TRAPPC2L: variants seen among roughly 807,000 people sequenced by gnomAD.
The protein encoded by TRAPPC2L is trafficking protein particle complex subunit 2-like protein.
A neutral mutation model predicts 13.2 loss-of-function variants in TRAPPC2L; 17 were observed. The observed-to-expected ratio is 1.29, with a 90% CI of 0.88 to 1.93. The LOEUF is 1.93. Among genes scored for constraint, TRAPPC2L ranks in the 30% most tolerant of loss-of-function variants. The pLI is 0.00. For synonymous variants in TRAPPC2L, 150 were observed against 98.1 expected, an observed-to-expected ratio of 1.53 and a Z score of -3.12; for missense variants, 359 against 252.1, an observed-to-expected ratio of 1.42 and a Z score of -2.87.
At chr16:88,860,137 C>T (rs1378681895) in exon 4 of TRAPPC2L, 1 of 728,938 alleles carries the variant, frequency 1.4e-6, no homozygotes, top group Admixed American at 2.0e-5. Context: ...AGCCCCGTTT[C>T]TCCACACCAA....
rs1373704630 is a variant in TRAPPC2L, at chr16:88,857,744, C to T, written c.33+561C>T. The stretch of plus-strand genomic sequence containing the variant: ...GCTCCCTGGACATGCTCTGCCCTCT[C>T]ACCTGTGGGCCTTTGCACGCGGAAC... On this transcript the variant is annotated intron_variant, in intron 1 of 3. Transcript: ENST00000565504. 5.9e-5 allele frequency among the ~76,000 whole-genome samples: 9 copies of T among 152,250 alleles called. No individual in the cohort carries two copies. In the South Asian group the frequency reaches 8.3e-4, roughly 14 times the overall value.
chr16:88,856,414 G>A (rs757086523), upstream of TRAPPC2L: 76 of 701,108 alleles, frequency 1.1e-4, no homozygotes, highest in African/African-American at 9.6e-4. Flanking sequence ...AAGGTCAGAC[G>A]GGGGAGGCAG....
rs3784873 is a variant in TRAPPC2L, at chr16:88,859,581, A to G, written c.207-82A>G. ...ATTTCCTGTGATTCAAGGTTGCCAC[A>G]TTTCTCCAAAGTGAGGGCCCACAGA... On this transcript the variant is annotated intron_variant, in intron 2 of 3. Transcript: ENST00000565504. The G allele has an allele frequency of 0.039, 52,949 of 1,343,938 alleles. 2,708 individuals carry two copies. Among genetic ancestry groups the G allele is most frequent in the African/African-American group, 0.25 (17,128 of 69,596 alleles). 83.3% of individuals were successfully genotyped at this position (1,343,938 alleles called of 1,614,324 possible).
chr16:88,857,178 A>C (rs759476883), exon 1 of TRAPPC2L: 2 of 1,577,846 alleles, frequency 1.3e-6, no homozygotes, highest in African/African-American at 1.4e-5. Flanking sequence ...GGTGATTGCC[A>C]AGGAGGTGCG....
rs537493164 is a variant in TRAPPC2L, at chr16:88,858,516, C to T, written c.34-103C>T. ...CGGTGGGCCTTAGAGCATGGGAATG[C>T]GTTCCCCGGGTGGCTGCAGGTCACG... On this transcript the variant is annotated intron_variant, in intron 1 of 3. Transcript: ENST00000565504. The T allele has an allele frequency of 2.7e-5, 35 of 1,296,882 alleles. No homozygotes were observed. The South Asian group carries it at 3.3e-4, about 12-fold the overall frequency. 80.3% of individuals were successfully genotyped at this position (1,296,882 alleles called of 1,614,324 possible). A position where few individuals can be genotyped will look rare whatever the true frequency, so the allele number is the denominator to read the frequency against.
chr16:88,862,281 C>G (rs1273906887), exon 4 of TRAPPC2L: 1 of 152,470 alleles, frequency 6.6e-6, no homozygotes, highest in Non-Finnish European at 1.5e-5. Context: ...CCCGGTGCCT[C>G]TGCCCAGTTC....
upstream of TRAPPC2L, chr16:88,857,010 G>T: frequency 7.2e-7 from 1 of 1,389,714 alleles, no homozygotes. Flanking sequence ...GTCCGCGGAG[G>T]GACGGGAGGC....
At chr16:88,860,361 T>G in exon 4 of TRAPPC2L, 2 of 654,288 alleles carry the variant, frequency 3.1e-6, no homozygotes, top group East Asian at 5.4e-5. Context: ...AGGAACCTGG[T>G]TTGCAGGTGT....
intron 2 of TRAPPC2L, chr16:88,859,076 G>C: frequency 2.0e-6 from 1 of 490,678 alleles, no homozygotes. Context: ...TACCTGCAAG[G>C]ATTTCTTTCT....
rs747059351 is a variant in TRAPPC2L, at chr16:88,857,173, T to C, written c.23T>C (p.Ile8Thr). Residue 8 changes from isoleucine (I) to threonine (T), a missense_variant, in exon 1 of 4, where the codon ATT becomes ACT. Coordinates refer to ENST00000565504, the Ensembl canonical transcript of TRAPPC2L. ...AAGATGGCGGTGTGCATCGCGGTGA[T>C]TGCCAAGGAGGTGCGTACGCGCGGC... 3.9e-5 allele frequency: 62 copies of C among 1,581,578 alleles called. No homozygotes were observed. Among genetic ancestry groups the C allele is most frequent in the Non-Finnish European group, 4.8e-5 (56 of 1,169,274 alleles).
In TRAPPC2L at chr16:88,861,680, C is replaced by A. The variant is rs4530120; in HGVS notation, c.*1356C>A. The A allele has an allele frequency of 1.6e-3, 776 of 487,134 alleles. 1 individual carries two copies. The highest frequency in any genetic ancestry group is 2.9e-3 in the Non-Finnish European group (685 of 237,144). The allele number at this position is 487,134 out of a possible 1,614,324, so 30.2% of individuals were successfully genotyped here. The stretch of plus-strand genomic sequence containing the variant: ...AGGGCAGCGGCCGAGCCCATAGTGG[C>A]GTCAGTGCCGCCGGCGTCCTTGGGG... On this transcript the variant is annotated 3_prime_UTR_variant, in exon 4 of 4. Transcript: ENST00000565504.
At chr16:88,861,260 C>G in exon 4 of TRAPPC2L, 1 of 443,450 alleles carries the variant, frequency 2.3e-6, no homozygotes. Context: ...GCAGGGGTGC[C>G]TGGAGCCAAG....
At chr16:88,858,873 T>C (rs1358878358) in intron 2 of TRAPPC2L, 82 bp downstream of exon 2, 3 of 1,455,890 alleles carry the variant, frequency 2.1e-6, no homozygotes, top group Non-Finnish European at 2.8e-6. Context: ...TGAAACCTTT[T>C]AGAAGAAAAA....
rs1208686214 is a variant in TRAPPC2L, at chr16:88,859,659, G to A, written c.207-4G>A. 1.9e-6 allele frequency: 3 copies of A among 1,613,782 alleles called. No homozygotes were observed. Among genetic ancestry groups the A allele is most frequent in the African/African-American group, 2.7e-5 (2 of 74,942 alleles). On this transcript the variant is annotated splice_polypyrimidine_tract_variant and splice_region_variant and intron_variant, in intron 2 of 3. Transcript: ENST00000565504. ...ACGAGTGCCTTCCCTAACCAGCTGT[G>A]CAGATACGGCTACGTCACCAACTCC...
intron 2 of TRAPPC2L, 40 bp from the exon 3 acceptor site, chr16:88,859,623 G>C (rs1046606): frequency 6.3e-7 from 1 of 1,589,272 alleles, no homozygotes; most frequent in Non-Finnish European, 8.6e-7. Flanking sequence ...TCCACCGGCA[G>C]TCCCTGTGTT....
chr16:88,861,898 C>G (rs959986895), exon 4 of TRAPPC2L: 3 of 289,928 alleles, frequency 1.0e-5, no homozygotes, highest in Non-Finnish European at 2.1e-5. Flanking sequence ...GCCTTTTCAT[C>G]CCATCTAGCA....
At position 88,859,987 on chromosome 16, in the gene TRAPPC2L, C is replaced by T. The variant is rs1237741167; in HGVS notation, c.389C>T (p.Ser130Phe). 2 of 1,612,506 alleles carry T rather than the reference C, an allele frequency of 1.2e-6. No individual in the cohort carries two copies. The highest frequency in any genetic ancestry group is 3.3e-5 in the Admixed American group (2 of 60,024). Residue 130 changes from serine to phenylalanine, a missense_variant, in exon 4 of 4, where the codon TCT becomes TTT. By Grantham distance (155) the Ser-to-Phe change is radical. Transcript: ENST00000565504. ...ATCCAGTCCAGGTGGGCCCTACTTT[C>T]TGTGTCTTGCCACCTTCTTTCTGTA...
chr16:88,858,819 G>A (rs956751506), intron 2 of TRAPPC2L, 28 bp downstream of exon 2: 1 of 1,600,516 alleles, frequency 6.2e-7, no homozygotes, highest in Non-Finnish European at 8.5e-7. Flanking sequence ...GTGTGTGTCA[G>A]GGAGGACCTA....
upstream of TRAPPC2L, chr16:88,856,925 A>G (rs1421114745): frequency 2.7e-6 from 4 of 1,481,010 alleles, no homozygotes; most frequent in Non-Finnish European, 3.6e-6. Context: ...CGACCTAGCG[A>G]GCGTCCGCCG....
Sources: allele counts gnomAD v4.1 joint callset (sites outside exome capture counted in the v4.1 genomes callset), GRCh38; gene constraint gnomAD v4.1.1; transcripts MANE v1.5; gene names NCBI Gene and HGNC (gene_info 2026-07-23, HGNC 2026-07-21).